USP34: variants seen among roughly 807,000 people sequenced by gnomAD.
USP34 encodes the protein ubiquitin carboxyl-terminal hydrolase 34.
Under a neutral mutation model 460.3 loss-of-function variants are expected in USP34, and 70 were observed. That is an observed-to-expected ratio of 0.15 (90% confidence interval 0.13 to 0.19). The LOEUF (loss-of-function observed/expected upper bound fraction) is 0.19. USP34 is among the 10% of genes least tolerant of loss of function. USP34 has a pLI of 1.00. For missense variants in USP34, 3,985 were observed against 4,236.2 expected (o/e 0.94, Z 1.65); for synonymous variants, 1,647 against 1,405.3 (o/e 1.17, Z -3.85).
intron 78 of USP34, chr2:61,190,020 G>C: frequency 2.7e-6 from 1 of 369,168 alleles, no homozygotes; most frequent in Non-Finnish European, 4.8e-6. Context: ...CTAGAGATAA[G>C]ACCACTAAGA....
chr2:61,417,051 G>A, intron 2 of USP34: 1 of 1,313,020 alleles, frequency 7.6e-7, no homozygotes, highest in Non-Finnish European at 1.1e-6. Flanking sequence ...GGCAGCCGGG[G>A]AACTTGAACT....
At chr2:61,450,943 G>C (rs983422961) in intron 1 of USP34, among the ~76,000 whole-genome samples, 3 of 150,482 alleles carry the variant, frequency 2.0e-5, no homozygotes, top group Non-Finnish European at 4.4e-5. Flanking sequence ...AACTTGGCCA[G>C]GCACGGTGGC....
rs942528984 is a variant in USP34, at chr2:61,300,768, C to G, written c.4128+183G>C. The stretch of plus-strand genomic sequence containing the variant: ...ATGAGATTGCACCACTGCACTCCAG[C>G]CTGGTCAACAGAGTGAGATGCCGTC... On this transcript the variant is annotated intron_variant, in intron 29 of 79. Transcript: ENST00000398571. Among the ~76,000 whole-genome samples, 3 of 149,404 alleles carry G rather than the reference C, an allele frequency of 2.0e-5. No homozygotes were observed. In the East Asian group the frequency reaches 5.9e-4, roughly 30 times the overall value.
intron 69 of USP34, among the ~76,000 whole-genome samples, chr2:61,211,186 G>A (rs1314771832): frequency 1.3e-5 from 2 of 152,008 alleles, no homozygotes; most frequent in African/African-American, 4.8e-5. Flanking sequence ...AAAAAAATGT[G>A]CCTAATAAAA....
At chr2:61,393,925 C>T (rs1200950029) in intron 5 of USP34, among the ~76,000 whole-genome samples, 1 of 152,048 alleles carries the variant, frequency 6.6e-6, no homozygotes, top group Non-Finnish European at 1.5e-5. Context: ...ATCATGAGGT[C>T]AGGAGTTTGA....
rs760715193 is a variant in USP34 at position 61,383,340 on chromosome 2, T to G, written c.754-4A>C. 1 of 1,588,770 alleles carries G rather than the reference T, an allele frequency of 6.3e-7. No individual in the cohort carries two copies. The highest frequency in any genetic ancestry group is 1.7e-5 in the Admixed American group (1 of 57,950). ...GAATATGTAGCCATATTCTAATCTATATAAGAAACATAAAAACAACATTAA... is the reference window on the plus strand; with the variant it reads ...GAATATGTAGCCATATTCTAATCTAGATAAGAAACATAAAAACAACATTAA... On this transcript the variant is annotated splice_region_variant and splice_polypyrimidine_tract_variant and intron_variant, in intron 5 of 79. Transcript: ENST00000398571.
chr2:61,201,600 A>G (rs998097243), intron 75 of USP34, among the ~76,000 whole-genome samples: 29 of 152,288 alleles, frequency 1.9e-4, no homozygotes, highest in Admixed American at 8.5e-4. Flanking sequence ...TACAAAAGTG[A>G]TAAGACTGAA....
At chr2:61,447,807 C>G (rs959591289) in intron 1 of USP34, among the ~76,000 whole-genome samples, 3 of 152,148 alleles carry the variant, frequency 2.0e-5, no homozygotes, top group African/African-American at 7.2e-5. Context: ...CCTCCGCCTA[C>G]TGGGATCAAG....
Position 61,221,552 on chromosome 2 carries a change from G to A in USP34, c.7849C>T (p.Pro2617Ser), listed in dbSNP as rs1453776380. Reference protein sequence around the residue: ...LTMLMEFAGGPPGMPPFASYI... With the variant: ...LTMLMEFAGGSPGMPPFASYI... ...GATGCAAAGGGAGGCATTCCTGGAG[G>A]TCCACCAGCAAACTCCATTAGCATA... The change falls in exon 66 of 80, where the codon CCT becomes TCT. Residue 2617 changes from proline to serine, a missense_variant. This residue lies in a region of USP34 where 604 missense variants were observed against 684.8 expected (regional missense o/e 0.88). Coordinates refer to ENST00000398571, the MANE Select transcript of USP34 (RefSeq NM_014709.4). 1.2e-6 allele frequency: 2 copies of A among 1,614,050 alleles called. No individual in the cohort carries two copies. Among genetic ancestry groups the A allele is most frequent in the Non-Finnish European group, 8.5e-7 (1 of 1,179,956 alleles).
intron 1 of USP34, among the ~76,000 whole-genome samples, chr2:61,464,919 A>T (rs1464435257): frequency 6.6e-6 from 1 of 152,150 alleles, no homozygotes; most frequent in Non-Finnish European, 1.5e-5. Flanking sequence ...AAAAGTAACT[A>T]CAAAAGCAGT....
In USP34 at chr2:61,343,908, G is replaced by C. The variant is rs1248950610; in HGVS notation, c.2407C>G (p.Leu803Val). 1.2e-6 allele frequency: 2 copies of C among 1,613,828 alleles called. No individual in the cohort carries two copies. Among genetic ancestry groups the C allele is most frequent in the African/African-American group, 1.3e-5 (1 of 74,906 alleles). Residue 803 changes from leucine to valine, a missense_variant, in exon 16 of 80, where the codon CTA becomes GTA. Around this residue, in one of 14 missense-constraint regions of USP34, gnomAD observed 716 missense variants for 626.2 expected, o/e 1.14. Coordinates refer to ENST00000398571, the MANE Select transcript of USP34 (RefSeq NM_014709.4). Reference sequence around the variant, plus strand: ...TCCGCATGTGAATTAATCTGAACTAGCTCCTCTTCACATCCAGATTCTTCA... The same window carrying C: ...TCCGCATGTGAATTAATCTGAACTACCTCCTCTTCACATCCAGATTCTTCA... ...DGEESGCEEELVQINSHAELT... is the reference protein window; with the variant it reads ...DGEESGCEEEVVQINSHAELT...
chr2:61,348,644 G>A lies in USP34; in HGVS notation c.1674+112C>T, dbSNP rs1691845016. 14 of 1,450,336 alleles carry A rather than the reference G, an allele frequency of 9.7e-6. No individual in the cohort carries two copies. In the South Asian group the frequency reaches 1.2e-4, roughly 12 times the overall value. The allele number at this position is 1,450,336 out of a possible 1,614,324, so 89.8% of individuals were successfully genotyped here. A position where few individuals can be genotyped will look rare whatever the true frequency, so the allele number is the denominator to read the frequency against. ...ACTCAAAGGATGTCAAAAATATTAC[G>A]TAAAGGAGAGGACAAGCCCAAACAT... is the stretch of plus-strand genomic sequence containing the variant. On this transcript the variant is annotated intron_variant, in intron 14 of 79. Coordinates refer to ENST00000398571, the MANE Select transcript of USP34 (RefSeq NM_014709.4).
At chr2:61,442,094 C>T (rs1573045865) in intron 1 of USP34, among the ~76,000 whole-genome samples, 1 of 151,750 alleles carries the variant, frequency 6.6e-6, no homozygotes, top group African/African-American at 2.4e-5. Context: ...GAAACTATAC[C>T]CTCACTCCTC....
Position 61,280,926 on chromosome 2 carries a change from G to A in USP34, c.5151+164C>T, listed in dbSNP as rs149466149. On this transcript the variant is annotated intron_variant, in intron 38 of 79. Coordinates refer to ENST00000398571, the MANE Select transcript of USP34 (RefSeq NM_014709.4). ...CCTAGTAGTAACATGGACACAATGT[G>A]TCACAATGCTGTCACCTTAAGTAGT... 2.6e-5 allele frequency among the ~76,000 whole-genome samples: 4 copies of A among 152,238 alleles called. No homozygotes were observed. The South Asian group carries it at 6.2e-4, about 24-fold the overall frequency.
In USP34 at chr2:61,246,473, A is replaced by G. The variant is rs774810547; in HGVS notation, c.6399T>C (p.Phe2133=). ...LMGKSERKEG[F]KEVSDHSKDS... ...CTTTTGAATGATCACTGACTTCTTT[A>G]AAACCTGAAATGATTTACACAGAAT... Residue 2133 remains phenylalanine, a synonymous_variant, in exon 50 of 80, where the codon TTT becomes TTC. Transcript: ENST00000398571. 4 of 1,550,772 alleles carry G rather than the reference A, an allele frequency of 2.6e-6. No homozygotes were observed. In the South Asian group the frequency reaches 3.8e-5, roughly 15 times the overall value.
In USP34 at chr2:61,315,036, C is replaced by A. The variant is rs573710388; in HGVS notation, c.3283-62G>T. The A allele has an allele frequency of 1.1e-5, 14 of 1,266,734 alleles. No homozygotes were observed. In the East Asian group the frequency reaches 3.3e-4, roughly 30 times the overall value. The allele number at this position is 1,266,734 out of a possible 1,614,324, so 78.5% of individuals were successfully genotyped here. A position where few individuals can be genotyped will look rare whatever the true frequency, so the allele number is the denominator to read the frequency against. ...TGTCAAACTATGTAACTCATTAAGA[C>A]TGAAGTATCAAAAGTAAAAATCATA... On this transcript the variant is annotated intron_variant, in intron 23 of 79. Coordinates refer to ENST00000398571, the MANE Select transcript of USP34 (RefSeq NM_014709.4).
At chr2:61,382,737 T>C (rs1252150255) in intron 6 of USP34, among the ~76,000 whole-genome samples, 1 of 152,196 alleles carries the variant, frequency 6.6e-6, no homozygotes, top group Non-Finnish European at 1.5e-5. Context: ...TAGGCTTCCT[T>C]TTTAAGTTGA....
At chr2:61,273,173 T>C (rs1689267281) in intron 41 of USP34, among the ~76,000 whole-genome samples, 1 of 152,112 alleles carries the variant, frequency 6.6e-6, no homozygotes, top group African/African-American at 2.4e-5. Context: ...AAAACCTAAA[T>C]TTTGTAGGAA....
rs760534552 is a variant in USP34 at position 61,188,898 on chromosome 2, C to T, written c.10033+12G>A. ...CACCCTAAAGGTAATGATAGTAGTC[C>T]ATAAAGCTAACCTTTAGTTTTTCTT... On this transcript the variant is annotated intron_variant, in intron 79 of 79. Coordinates refer to ENST00000398571, the MANE Select transcript of USP34 (RefSeq NM_014709.4). The T allele has an allele frequency of 6.2e-7, 1 of 1,613,810 alleles. No individual in the cohort carries two copies. The highest frequency in any genetic ancestry group is 1.7e-5 in the Admixed American group (1 of 59,968).
Sources: gnomAD v4.1 joint callset for allele counts (sites outside exome capture counted in the v4.1 genomes callset) on GRCh38, gnomAD v4.1.1 for gene constraint, gnomAD v4.1.1 regional missense constraint, MANE v1.5 for transcripts, NCBI Gene and HGNC (gene_info 2026-07-23, HGNC 2026-07-21) for gene names.